The following SPTBN4 variants were observed in gnomAD, a reference collection of about 807,000 sequenced individuals.
SPTBN4 encodes spectrin beta, non-erythrocytic 4, also known as spectrin beta chain, non-erythrocytic 4.
In SPTBN4, 96 loss-of-function variants were observed where a neutral mutation model predicts 277.8. That is an observed-to-expected ratio of 0.35 (90% CI 0.29 to 0.41). The LOEUF (loss-of-function observed/expected upper bound fraction) is 0.41, where lower values mean the gene tolerates loss of function less well. Among genes scored for constraint, SPTBN4 ranks in the 10% least tolerant of loss-of-function variants. SPTBN4 has a pLI of 1.00. For missense variants in SPTBN4, 3,006 were observed against 3,595.7 expected (o/e 0.84, Z 4.19); for synonymous variants, 1,481 against 1,580.3 (o/e 0.94, Z 1.49).
Position 40,560,611 on chromosome 19 carries a change from CCTT to C in SPTBN4, c.5915+211_5915+213del, listed in dbSNP as rs1229701212. The C allele has an allele frequency of 3.5e-6, 5 of 1,441,578 alleles. No homozygotes were observed. Among genetic ancestry groups the C allele is most frequent in the East Asian group, 5.0e-5 (2 of 40,028 alleles). The allele number at this position is 1,441,578 out of a possible 1,614,324, so 89.3% of individuals were successfully genotyped here. A position where few individuals can be genotyped will look rare whatever the true frequency, so the allele number is the denominator to read the frequency against. ...ATTGGGGACTTCGGTCATGGGGCAT[CCTT>C]CTGTCCGCTGTCCTTCCCAGTTGCC... On this transcript the variant is annotated intron_variant, in intron 27 of 35. Coordinates refer to ENST00000598249, the MANE Select transcript of SPTBN4 (RefSeq NM_020971.3). The surrounding 1 kb of genome is among the most constrained non-coding windows in gnomAD (Gnocchi z 5.2).
intron 3 of SPTBN4, among the ~76,000 whole-genome samples, chr19:40,489,132 A>T (rs967188002): frequency 1.3e-5 from 2 of 150,404 alleles, no homozygotes; most frequent in African/African-American, 4.9e-5. Flanking sequence ...CAGGAGGCAG[A>T]GGCTGCAGTG....
At chr19:40,523,330 C>T in intron 16 of SPTBN4, 107 bp from the exon 17 acceptor site, 1 of 1,104,540 alleles carries the variant, frequency 9.1e-7, no homozygotes, top group South Asian at 1.5e-5. Flanking sequence ...CTGGAATGTT[C>T]TATGCTTGCA....
intron 4 of SPTBN4, 73 bp from the exon 5 acceptor site, chr19:40,492,890 C>T: frequency 7.5e-7 from 1 of 1,327,442 alleles, no homozygotes; most frequent in Non-Finnish European, 1.1e-6. Flanking sequence ...TCTCTGGTAG[C>T]AGATGGTGAG....
At chr19:40,570,029 GAC>G (rs372471443) in intron 32 of SPTBN4, among the ~76,000 whole-genome samples, 4 of 140,832 alleles carry the variant, frequency 2.8e-5, no homozygotes, top group African/African-American at 5.4e-5. Context: ...TACACACACA[GAC>G]ACACACACAC....
chr19:40,523,080 G>A (rs1201470288), intron 16 of SPTBN4, among the ~76,000 whole-genome samples: 2 of 152,200 alleles, frequency 1.3e-5, no homozygotes, highest in Non-Finnish European at 2.9e-5. Context: ...GTTGCAGTGA[G>A]CCGGGATTGC....
chr19:40,534,627 A>G (rs1448306401), intron 20 of SPTBN4: 2 of 417,556 alleles, frequency 4.8e-6, no homozygotes, highest in Non-Finnish European at 8.8e-6. Flanking sequence ...GGACCCTGAC[A>G]CTCATTTCCT....
In SPTBN4 at chr19:40,568,334, C is replaced by G. The variant is rs760161134; in HGVS notation, c.6956+52C>G. 6 of 1,520,772 alleles carry G rather than the reference C, an allele frequency of 3.9e-6. No individual in the cohort carries two copies. In the Admixed American group the frequency reaches 6.4e-5, roughly 16 times the overall value. 94.2% of individuals were successfully genotyped at this position (1,520,772 alleles called of 1,614,324 possible). Reference sequence around the variant, plus strand: ...AGTGAGGGGAGGGGAAAGCGGAGAGCTCCTAGAACCCCTCAGGCCCAGTGA... The same window carrying G: ...AGTGAGGGGAGGGGAAAGCGGAGAGGTCCTAGAACCCCTCAGGCCCAGTGA... On this transcript the variant is annotated intron_variant, in intron 31 of 35. Transcript: ENST00000598249.
chr19:40,574,763 C>A (rs2081185323), intron 35 of SPTBN4, among the ~76,000 whole-genome samples: 1 of 152,090 alleles, frequency 6.6e-6, no homozygotes, highest in African/African-American at 2.4e-5. Context: ...ACCTGTAATT[C>A]CAGCACTTTG....
chr19:40,563,083 A>G (rs2081059617), intron 27 of SPTBN4, among the ~76,000 whole-genome samples: 1 of 151,852 alleles, frequency 6.6e-6, no homozygotes, highest in African/African-American at 2.4e-5. Flanking sequence ...GGTGGTGTGC[A>G]TGCCTGTTGT....
chr19:40,565,700 G>C lies in SPTBN4; in HGVS notation c.6094G>C (p.Glu2032Gln). Residue 2032 changes from glutamate (E) to glutamine (Q), a missense_variant, in exon 29 of 36, where the codon GAG becomes CAG. This residue lies in a region of SPTBN4 where 425 missense variants were observed against 594.7 expected (regional missense o/e 0.71). Coordinates refer to ENST00000598249, the MANE Select transcript of SPTBN4 (RefSeq NM_020971.3). Reference protein sequence around the residue: ...QLDKLGTRKEEVSEKWDRHWE... With the variant: ...QLDKLGTRKEQVSEKWDRHWE... The stretch of plus-strand genomic sequence containing the variant: ...GGACAAGCTGGGAACCAGGAAGGAG[G>C]AGGTGTCGGAAAAGTGGGACCGCCA... 2 of 1,554,530 alleles carry C rather than the reference G, an allele frequency of 1.3e-6. No individual in the cohort carries two copies. Among genetic ancestry groups the C allele is most frequent in the Non-Finnish European group, 8.7e-7 (1 of 1,148,616 alleles).
rs1414203097 is a variant in SPTBN4 at position 40,519,172 on chromosome 19, AT to A, written c.2904-224del. 6.6e-6 allele frequency among the ~76,000 whole-genome samples: 1 copy of A among 152,190 alleles called. No individual in the cohort carries two copies. The highest frequency in any genetic ancestry group is 1.5e-5 in the Non-Finnish European group (1 of 68,036). On this transcript the variant is annotated intron_variant, in intron 15 of 35. Transcript: ENST00000598249. This position sits in a 1 kb window ranked among gnomAD's most constrained non-coding sequence, Gnocchi z 5.7. ...GAAAAAGCAAATGGCGTCTTAACAC[AT>A]TTTTATGAAGATAGTTTTGTCCTCT...
intron 16 of SPTBN4, among the ~76,000 whole-genome samples, chr19:40,521,625 A>G (rs1332926861): frequency 6.6e-6 from 1 of 152,126 alleles, no homozygotes; most frequent in Non-Finnish European, 1.5e-5. Context: ...TCAGGCAGTA[A>G]TGCTCACTCG....
rs1168240871 is a variant in SPTBN4, at chr19:40,493,113, A to G, written c.587+59A>G. On this transcript the variant is annotated intron_variant, in intron 5 of 35. Transcript: ENST00000598249. Reference sequence around the variant, plus strand: ...GGCAAGTGGTCCCCTAACCTCTGCAATTCCTTCCCAGACAAGAGCTCAAGG... The same window carrying G: ...GGCAAGTGGTCCCCTAACCTCTGCAGTTCCTTCCCAGACAAGAGCTCAAGG... The G allele has an allele frequency of 8.5e-6, 13 of 1,527,204 alleles. No homozygotes were observed. In the East Asian group the frequency reaches 1.8e-4, roughly 21 times the overall value. The allele number at this position is 1,527,204 out of a possible 1,614,324, so 94.6% of individuals were successfully genotyped here.
intron 18 of SPTBN4, 37 bp downstream of exon 18, chr19:40,529,168 C>G (rs1458965288): frequency 5.0e-6 from 8 of 1,587,198 alleles, no homozygotes; most frequent in Non-Finnish European, 6.9e-6. Context: ...GGAGACATCC[C>G]CTTTAGTCGG....
intron 2 of SPTBN4, among the ~76,000 whole-genome samples, chr19:40,486,601 G>T (rs2080075069): frequency 6.6e-6 from 1 of 152,062 alleles, no homozygotes; most frequent in Admixed American, 6.5e-5. Flanking sequence ...TCAAACTCCT[G>T]TACTCCAGCA....
chr19:40,552,055 T>C (rs923736061), intron 22 of SPTBN4, among the ~76,000 whole-genome samples: 1 of 151,198 alleles, frequency 6.6e-6, no homozygotes, highest in Non-Finnish European at 1.5e-5. Context: ...CAGTGGCTCA[T>C]GCCTGTAATC....
At chr19:40,527,877 G>A (rs1043477095) in intron 17 of SPTBN4, among the ~76,000 whole-genome samples, 2 of 152,002 alleles carry the variant, frequency 1.3e-5, no homozygotes, top group East Asian at 1.9e-4. Context: ...CCAACATGGC[G>A]AAAACTCGTC....
chr19:40,540,562 G>A (rs1018061552), intron 20 of SPTBN4, among the ~76,000 whole-genome samples: 9 of 151,796 alleles, frequency 5.9e-5, no homozygotes, highest in Admixed American at 1.3e-4. Flanking sequence ...TTTTAAAAAA[G>A]CAACATGGAT....
Position 40,515,532 on chromosome 19 carries a change from A to G in SPTBN4, c.2903+84A>G. The G allele has an allele frequency of 1.5e-6, 2 of 1,374,156 alleles. No homozygotes were observed. The highest frequency in any genetic ancestry group is 9.5e-7 in the Non-Finnish European group (1 of 1,052,766). 85.1% of individuals were successfully genotyped at this position (1,374,156 alleles called of 1,614,324 possible). A position where few individuals can be genotyped will look rare whatever the true frequency, so the allele number is the denominator to read the frequency against. On this transcript the variant is annotated intron_variant, in intron 15 of 35. Coordinates refer to ENST00000598249, the MANE Select transcript of SPTBN4 (RefSeq NM_020971.3). This position sits in a 1 kb window ranked among gnomAD's most constrained non-coding sequence, Gnocchi z 4.1. ...ATGGACAGCAAGATGTGCAATCTCA[A>G]ACCCCTGGAATCATAATGGCCACCC... is the stretch of plus-strand genomic sequence containing the variant.
Sources: allele counts gnomAD v4.1 joint callset (sites outside exome capture counted in the v4.1 genomes callset), GRCh38; gene constraint gnomAD v4.1.1; regional missense constraint gnomAD v4.1.1; non-coding constraint Gnocchi (gnomAD v3.1); transcripts MANE v1.5; gene names NCBI Gene and HGNC (gene_info 2026-07-23, HGNC 2026-07-21).